RPS6KC1: variants seen among roughly 807,000 people sequenced by gnomAD.
The protein encoded by RPS6KC1 is ribosomal protein S6 kinase C1, also known as inactive ribosomal protein S6 kinase delta-1.
Under a neutral mutation model 103.8 loss-of-function variants are expected in RPS6KC1, and 54 were observed. The observed-to-expected ratio is 0.52, with a 90% CI of 0.42 to 0.65. RPS6KC1 has a LOEUF of 0.65. Among genes scored for constraint, RPS6KC1 ranks in the 30% least tolerant of loss-of-function variants. RPS6KC1 has a pLI of 0.00. For synonymous variants in RPS6KC1, 439 were observed against 438.7 expected, an observed-to-expected ratio of 1.00 and a Z score of -0.01; for missense variants, 1,151 against 1,253.8, an observed-to-expected ratio of 0.92 and a Z score of 1.24.
the RPS6KC1 span, among the ~76,000 whole-genome samples, chr1:213,783,381 G>C: frequency 5.3e-5 from 8 of 152,212 alleles, no homozygotes; most frequent in East Asian, 1.5e-3. Context: ...GAATCAGCCA[G>C]AGGCGCTGCT....
chr1:213,570,858 A>T, the RPS6KC1 span, among the ~76,000 whole-genome samples: 6 of 152,240 alleles, frequency 3.9e-5, no homozygotes, highest in Admixed American at 3.3e-4. Context: ...CCTAACCAGA[A>T]GGGGCAGACC....
At chr1:213,405,686 G>T in the RPS6KC1 span, among the ~76,000 whole-genome samples, 1 of 152,204 alleles carries the variant, frequency 6.6e-6, no homozygotes. Context: ...TGGTTCTCTC[G>T]GATGAATGTT....
the RPS6KC1 span, among the ~76,000 whole-genome samples, chr1:213,490,834 G>A: frequency 2.0e-5 from 3 of 152,190 alleles, no homozygotes; most frequent in Admixed American, 2.0e-4. Flanking sequence ...GTGTTCTCTA[G>A]AGAGGGGAAG....
the RPS6KC1 span, among the ~76,000 whole-genome samples, chr1:213,381,742 C>T: frequency 6.6e-6 from 1 of 152,078 alleles, no homozygotes; most frequent in African/African-American, 2.4e-5. Flanking sequence ...TGCAGCACTG[C>T]CTCGCTGCTG....
the RPS6KC1 span, among the ~76,000 whole-genome samples, chr1:213,628,680 G>C: frequency 6.6e-6 from 1 of 151,922 alleles, no homozygotes; most frequent in Admixed American, 6.6e-5. Context: ...ATGTTATGGT[G>C]TCAGTTTTAG....
At chr1:213,807,790 T>C in the RPS6KC1 span, among the ~76,000 whole-genome samples, 1 of 152,246 alleles carries the variant, frequency 6.6e-6, no homozygotes, top group African/African-American at 2.4e-5. Flanking sequence ...AAAGTCATTC[T>C]CCATCCAGCT....
At chr1:213,477,227 A>G in the RPS6KC1 span, among the ~76,000 whole-genome samples, 2 of 152,214 alleles carry the variant, frequency 1.3e-5, no homozygotes, top group African/African-American at 2.4e-5. Context: ...TTTATGATCT[A>G]ATATAACTTT....
At chr1:213,320,813 A>C in the RPS6KC1 span, among the ~76,000 whole-genome samples, 5 of 152,216 alleles carry the variant, frequency 3.3e-5, no homozygotes, top group African/African-American at 1.2e-4. Flanking sequence ...ATGCAGCATT[A>C]GGCACGTTTC....
At chr1:213,286,344 G>C in the RPS6KC1 span, among the ~76,000 whole-genome samples, 1 of 152,150 alleles carries the variant, frequency 6.6e-6, no homozygotes, top group Admixed American at 6.5e-5. Context: ...TGTGGTGCAG[G>C]AAGTTTACAA....
the RPS6KC1 span, among the ~76,000 whole-genome samples, chr1:213,824,977 G>A: frequency 1.3e-5 from 2 of 152,196 alleles, no homozygotes; most frequent in African/African-American, 4.8e-5. Flanking sequence ...CAAGGGCATT[G>A]CTCCCAGCAG....
chr1:213,434,302 A>C, the RPS6KC1 span, among the ~76,000 whole-genome samples: 3 of 152,092 alleles, frequency 2.0e-5, no homozygotes, highest in Non-Finnish European at 4.4e-5. Flanking sequence ...TTTCACCTTG[A>C]GTTTTGAAAG....
At chr1:213,451,666 T>C in the RPS6KC1 span, among the ~76,000 whole-genome samples, 1 of 152,232 alleles carries the variant, frequency 6.6e-6, no homozygotes, top group Non-Finnish European at 1.5e-5. Flanking sequence ...ATCGGCAACA[T>C]GAAGACTAGT....
the RPS6KC1 span, among the ~76,000 whole-genome samples, chr1:213,789,221 C>T: frequency 6.6e-6 from 1 of 152,178 alleles, no homozygotes; most frequent in South Asian, 2.1e-4. Flanking sequence ...TTAATTATGT[C>T]TTTCTTCTCT....
chr1:213,219,821 C>G (rs1015143988), intron 8 of RPS6KC1, among the ~76,000 whole-genome samples: 6 of 136,070 alleles, frequency 4.4e-5, no homozygotes, highest in Non-Finnish European at 9.0e-5. Context: ...AACACATGGA[C>G]ACAGGAAGGG....
rs143127100 is a variant in RPS6KC1 at position 213,172,598 on chromosome 1, G to A, written c.952-3802G>A. Among the ~76,000 whole-genome samples the A allele has an allele frequency of 2.1e-3, 316 of 152,340 alleles. 1 individual carries two copies. The highest frequency in any genetic ancestry group is 7.0e-3 in the African/African-American group (290 of 41,576). ...ACTGCACTCCAGCCTTGGTGACAGA[G>A]CGAGAACAACAATAGTAAGTAGGTT... On this transcript the variant is annotated intron_variant, in intron 7 of 14. Coordinates refer to ENST00000366960, the MANE Select transcript of RPS6KC1 (RefSeq NM_012424.6).
chr1:213,766,919 A>G, the RPS6KC1 span, among the ~76,000 whole-genome samples: 1 of 152,218 alleles, frequency 6.6e-6, no homozygotes, highest in South Asian at 2.1e-4. Context: ...TCGCCATTCA[A>G]CCAGATTCAA....
intron 5 of RPS6KC1, among the ~76,000 whole-genome samples, chr1:213,126,368 C>T (rs993395847): frequency 1.1e-4 from 17 of 152,004 alleles, no homozygotes; most frequent in Middle Eastern, 3.4e-3. Context: ...TTGAGATTGT[C>T]GGTTTAATGA....
chr1:213,316,950 T>C, the RPS6KC1 span, among the ~76,000 whole-genome samples: 1 of 151,714 alleles, frequency 6.6e-6, no homozygotes, highest in Non-Finnish European at 1.5e-5. Flanking sequence ...AAGGGGAGGA[T>C]CATGGTGGGG....
the RPS6KC1 span, among the ~76,000 whole-genome samples, chr1:213,676,221 G>GT: frequency 3.3e-5 from 5 of 152,244 alleles, no homozygotes; most frequent in East Asian, 9.7e-4. Flanking sequence ...CAAGCTCTGT[G>GT]TCCCCAAAAC....
Sources: gnomAD v4.1 joint callset for allele counts (sites outside exome capture counted in the v4.1 genomes callset) on GRCh38, gnomAD v4.1.1 for gene constraint, MANE v1.5 for transcripts, NCBI Gene and HGNC (gene_info 2026-07-23, HGNC 2026-07-21) for gene names.